The following WLS variants were observed in gnomAD, a reference collection of about 807,000 sequenced individuals.
WLS encodes the protein protein wntless homolog.
In WLS, 23 loss-of-function variants were observed where a neutral mutation model predicts 62.8. That is an observed-to-expected ratio of 0.37 (90% CI 0.26 to 0.52). The LOEUF (loss-of-function observed/expected upper bound fraction) is 0.52, where lower values mean the gene tolerates loss of function less well. Among genes scored for constraint, WLS ranks in the 20% least tolerant of loss-of-function variants. The pLI is 0.92. For missense variants in WLS, 615 were observed against 697.3 expected (o/e 0.88, Z 1.33); for synonymous variants, 246 against 244.1 (o/e 1.01, Z -0.07).
chr1:68,121,172 C>G (rs1233161151), downstream of WLS: 2 of 152,180 alleles, frequency 1.3e-5, no homozygotes, highest in South Asian at 2.1e-4. Flanking sequence ...CTAATCTGTG[C>G]CAGCTGGAGC....
intron 1 of WLS, among the ~76,000 whole-genome samples, chr1:68,213,603 T>C (rs1649609269): frequency 6.6e-6 from 1 of 152,146 alleles, no homozygotes; most frequent in Non-Finnish European, 1.5e-5. Flanking sequence ...TTGAGTGAGA[T>C]GAATCTTGCC....
At chr1:68,186,789 A>G (rs1472691511) in intron 2 of WLS, 6 of 366,346 alleles carry the variant, frequency 1.6e-5, no homozygotes, top group African/African-American at 1.3e-4. Context: ...TATATTGCTG[A>G]ATATATATAA....
chr1:68,172,423 G>T (rs1647168450), intron 2 of WLS, among the ~76,000 whole-genome samples: 1 of 151,962 alleles, frequency 6.6e-6, no homozygotes, highest in Middle Eastern at 3.2e-3. Context: ...AAAAATGTAT[G>T]TTTATATATG....
chr1:68,156,571 C>T (rs1570909440), intron 3 of WLS, among the ~76,000 whole-genome samples: 1 of 152,148 alleles, frequency 6.6e-6, no homozygotes, highest in Non-Finnish European at 1.5e-5. Flanking sequence ...GCTTCTACCT[C>T]CTCTTGCCCA....
At chr1:68,190,637 C>T (rs535982068) in intron 2 of WLS, among the ~76,000 whole-genome samples, 1 of 152,330 alleles carries the variant, frequency 6.6e-6, no homozygotes, top group African/African-American at 2.4e-5. Flanking sequence ...GATCCCCCTT[C>T]CCCGGTGGAG....
At chr1:68,214,191 A>G (rs1340469642) in intron 1 of WLS, among the ~76,000 whole-genome samples, 1 of 151,734 alleles carries the variant, frequency 6.6e-6, no homozygotes, top group East Asian at 1.9e-4. Flanking sequence ...GAACACACAC[A>G]CACACACACA....
At position 68,125,528 on chromosome 1, in the gene WLS, C is replaced by T; in HGVS notation, c.*698G>A. ...TTTCAGACCCGAAGGCCATTTAATACAGTAAATCTTACTTGGGTAGTTTAG... is the reference window on the plus strand; with the variant it reads ...TTTCAGACCCGAAGGCCATTTAATATAGTAAATCTTACTTGGGTAGTTTAG... On this transcript the variant is annotated 3_prime_UTR_variant, in exon 12 of 12. Coordinates refer to ENST00000262348, the MANE Select transcript of WLS (RefSeq NM_024911.7). The T allele has an allele frequency of 1.0e-6, 1 of 985,422 alleles. No individual in the cohort carries two copies. The highest frequency in any genetic ancestry group is 4.7e-5 in the South Asian group (1 of 21,292). The allele number at this position is 985,422 out of a possible 1,614,324, so 61.0% of individuals were successfully genotyped here. A position where few individuals can be genotyped will look rare whatever the true frequency, so the allele number is the denominator to read the frequency against.
intron 2 of WLS, 135 bp from the exon 3 acceptor site, chr1:68,159,382 A>G (rs1646942258): frequency 8.5e-7 from 1 of 1,181,698 alleles, no homozygotes; most frequent in South Asian, 1.6e-5. Flanking sequence ...TCAAACTCCA[A>G]ACCTGAAGAC....
chr1:68,135,880 G>A, intron 11 of WLS, among the ~76,000 whole-genome samples: 1 of 152,128 alleles, frequency 6.6e-6, no homozygotes, highest in Non-Finnish European at 1.5e-5. Flanking sequence ...AACACCGAGT[G>A]GTGTTTTTAC....
At chr1:68,231,745 C>T in intron 1 of WLS, 1 of 465,952 alleles carries the variant, frequency 2.1e-6, no homozygotes, top group South Asian at 1.5e-5. Context: ...CGGGTTTGCG[C>T]CGGGCACAGT....
chr1:68,170,959 A>G (rs1647145014), intron 2 of WLS, among the ~76,000 whole-genome samples: 1 of 151,962 alleles, frequency 6.6e-6, no homozygotes, highest in African/African-American at 2.4e-5. Context: ...TCTCCAAATA[A>G]CTCTTACAAA....
chr1:68,149,448 C>T (rs1003102758), intron 6 of WLS, among the ~76,000 whole-genome samples: 4 of 152,176 alleles, frequency 2.6e-5, no homozygotes, highest in African/African-American at 9.7e-5. Context: ...TCTCACACTG[C>T]TCTCCTGGAA....
chr1:68,229,475 G>A (rs967482528), intron 1 of WLS, among the ~76,000 whole-genome samples: 2 of 150,878 alleles, frequency 1.3e-5, no homozygotes, highest in African/African-American at 4.8e-5. Flanking sequence ...ATAACAATGA[G>A]CAGCGGAGGA....
At chr1:68,141,940 A>AC (rs1432523243) in intron 10 of WLS, among the ~76,000 whole-genome samples, 2 of 152,150 alleles carry the variant, frequency 1.3e-5, no homozygotes, top group African/African-American at 4.8e-5. Context: ...CCTCATTGCT[A>AC]CCCCCTTAGA....
chr1:68,195,015 G>C (rs1027044166), intron 1 of WLS, among the ~76,000 whole-genome samples: 35 of 152,208 alleles, frequency 2.3e-4, no homozygotes, highest in African/African-American at 8.0e-4. Flanking sequence ...AATCCCACTA[G>C]AGGGAAGTAA....
chr1:68,098,526 T>G, exon 12 of WLS: 224 of 1,462,750 alleles, frequency 1.5e-4, no homozygotes, highest in Non-Finnish European at 1.9e-4. Flanking sequence ...TTTAACATTT[T>G]GAGATAAAGG....
intron 1 of WLS, among the ~76,000 whole-genome samples, chr1:68,211,571 T>TTA (rs1649518558): frequency 6.6e-6 from 1 of 152,170 alleles, no homozygotes; most frequent in Non-Finnish European, 1.5e-5. Flanking sequence ...TACAGAAAGT[T>TTA]TAAACAAGTT....
chr1:68,211,966 T>A (rs963251302), intron 1 of WLS, among the ~76,000 whole-genome samples: 3 of 152,130 alleles, frequency 2.0e-5, no homozygotes, highest in Non-Finnish European at 4.4e-5. Flanking sequence ...GACAAAATAG[T>A]GGTGGTTTAA....
intron 11 of WLS, chr1:68,127,194 T>TA (rs1491265604): frequency 4.3e-6 from 1 of 234,528 alleles, no homozygotes; most frequent in Non-Finnish European, 8.8e-6. Flanking sequence ...ACTTTGACTC[T>TA]AAAAAAATAA....
Sources: gnomAD v4.1 joint callset for allele counts (sites outside exome capture counted in the v4.1 genomes callset) on GRCh38, gnomAD v4.1.1 for gene constraint, MANE v1.5 for transcripts, NCBI Gene and HGNC (gene_info 2026-07-23, HGNC 2026-07-21) for gene names.